The following ADAMTS18 variants were observed in gnomAD, a reference collection of about 807,000 sequenced individuals.
ADAMTS18 encodes ADAM metallopeptidase with thrombospondin type 1 motif 18, also known as A disintegrin and metalloproteinase with thrombospondin motifs 18.
ADAMTS18 carries 157 observed loss-of-function variants against 165.9 expected under a neutral mutation model. The ratio of observed to expected loss-of-function variants is 0.95; its 90% CI spans 0.83 to 1.08. The LOEUF is 1.08. Ranked by LOEUF, ADAMTS18 falls within the 50% of genes least tolerant of loss-of-function variation. The probability of loss-of-function intolerance (pLI) is 0.00; values close to 1 mark genes in which losing one functional copy is unlikely to be tolerated. For synonymous variants in ADAMTS18, 782 were observed against 578.2 expected (o/e 1.35, Z -5.06); for missense variants, 2,040 against 1,534.0 (o/e 1.33, Z -5.51).
Position 77,309,920 on chromosome 16 carries a change from T to C in ADAMTS18, c.2533-9516A>G, listed in dbSNP as rs116476866. 3.4e-3 allele frequency among the ~76,000 whole-genome samples: 525 copies of C among 152,340 alleles called. 6 individuals carry two copies. The highest frequency in any genetic ancestry group is 0.012 in the African/African-American group (496 of 41,580). On this transcript the variant is annotated intron_variant, in intron 16 of 22. Transcript: ENST00000282849. The stretch of plus-strand genomic sequence containing the variant: ...GCAAGTGTTTTAGGAAGCACATTGA[T>C]TCCTCAAATGCATTTTAGGAGATCA...
In ADAMTS18 at chr16:77,294,955, G is replaced by C. The variant is rs1227364919; in HGVS notation, c.2974C>G (p.Pro992Ala). ...QVQACNSHAC[P>A]PQWSLGPWSQ... is the part of the protein sequence containing the mutation. ...CAGGGTCCAAGGCTCCATTGTGGAG[G>C]GCAGGCATGGCTGTTGCAGGCTTGG... The change falls in exon 19 of 23, where the codon CCT becomes GCT. Residue 992 changes from proline to alanine, a missense_variant. Transcript: ENST00000282849. 6.2e-7 allele frequency: 1 copy of C among 1,614,130 alleles called. No individual in the cohort carries two copies. Among genetic ancestry groups the C allele is most frequent in the South Asian group, 1.1e-5 (1 of 91,072 alleles).
At chr16:77,374,806 C>T (rs1025615819) in intron 3 of ADAMTS18, among the ~76,000 whole-genome samples, 4 of 152,128 alleles carry the variant, frequency 2.6e-5, no homozygotes, top group Non-Finnish European at 4.4e-5. Context: ...AACACTTTGT[C>T]TCACATAGCC....
intron 4 of ADAMTS18, among the ~76,000 whole-genome samples, chr16:77,366,841 T>A (rs1044330711): frequency 1.3e-5 from 2 of 152,326 alleles, no homozygotes; most frequent in Non-Finnish European, 2.9e-5. Flanking sequence ...GAGATAATAT[T>A]TTGTACATGT....
chr16:77,332,950 C>G (rs889705041), intron 12 of ADAMTS18, among the ~76,000 whole-genome samples: 2 of 152,190 alleles, frequency 1.3e-5, no homozygotes, highest in Non-Finnish European at 2.9e-5. Context: ...GATCTGTCAA[C>G]ACGTGTTGAT....
chr16:77,390,655 A>G (rs952791683), intron 3 of ADAMTS18, among the ~76,000 whole-genome samples: 1 of 151,582 alleles, frequency 6.6e-6, no homozygotes, highest in East Asian at 1.9e-4. Context: ...GCACCACTGC[A>G]CTTCAGCCTG....
intron 12 of ADAMTS18, among the ~76,000 whole-genome samples, chr16:77,334,632 AGTATATAGTGTATATACACTATATACT>A (rs1170617053): frequency 2.6e-5 from 3 of 113,734 alleles, no homozygotes; most frequent in African/African-American, 3.5e-5. Context: ...TATATACTAT[AGTATATAGTGTATATACACTATATACT>A]GTATATAGTG....
intron 3 of ADAMTS18, among the ~76,000 whole-genome samples, chr16:77,429,482 G>A (rs1051751719): frequency 6.6e-5 from 10 of 152,124 alleles, no homozygotes; most frequent in African/African-American, 2.2e-4. Flanking sequence ...TAACCATTGG[G>A]TACTGGGCTT....
Position 77,353,823 on chromosome 16 carries a change from G to C in ADAMTS18, c.1524C>G (p.Asp508Glu). The change falls in exon 10 of 23, where the codon GAC becomes GAG. Residue 508 changes from aspartate (D) to glutamate (E), a missense_variant. Asp to Glu is a conservative substitution (Grantham distance 45). Transcript: ENST00000282849. ...CATCATAAATCTGTCCTGGTAGTTTGTCCGGATATTTATACTGTCCTGCTT... is the reference window on the plus strand; with the variant it reads ...CATCATAAATCTGTCCTGGTAGTTTCTCCGGATATTTATACTGTCCTGCTT... ...PKQAGQYKYP[D>E]KLPGQIYDAD... 6.2e-7 allele frequency: 1 copy of C among 1,614,126 alleles called. No individual in the cohort carries two copies. The highest frequency in any genetic ancestry group is 8.5e-7 in the Non-Finnish European group (1 of 1,180,018).
At chr16:77,392,091 T>C (rs148177912) in intron 3 of ADAMTS18, among the ~76,000 whole-genome samples, 1 of 152,296 alleles carries the variant, frequency 6.6e-6, no homozygotes, top group Non-Finnish European at 1.5e-5. Context: ...ATGTAATCAA[T>C]TGCTGACCAC....
At position 77,292,996 on chromosome 16, in the gene ADAMTS18, T is replaced by C. The variant is rs1182045630; in HGVS notation, c.3189+80A>G. The C allele has an allele frequency of 2.5e-6, 4 of 1,584,546 alleles. No individual in the cohort carries two copies. The East Asian group carries it at 6.7e-5, about 27-fold the overall frequency. On this transcript the variant is annotated intron_variant, in intron 20 of 22. Transcript: ENST00000282849. The stretch of plus-strand genomic sequence containing the variant: ...CACCTTGCCTGGCTAATTTTTTGTA[T>C]TTTTAGTAGAGACAGGGTTTCACTG...
chr16:77,394,291 G>T (rs573412011), intron 3 of ADAMTS18, among the ~76,000 whole-genome samples: 121 of 152,266 alleles, frequency 7.9e-4, no homozygotes, highest in African/African-American at 2.8e-3. Flanking sequence ...CATAGAACAG[G>T]TAAGAAATAA....
intron 22 of ADAMTS18, among the ~76,000 whole-genome samples, chr16:77,287,613 G>C (rs781311384): frequency 6.6e-6 from 1 of 151,920 alleles, no homozygotes. Context: ...CTAGGCCTAC[G>C]GGCACCTGCC....
intron 3 of ADAMTS18, among the ~76,000 whole-genome samples, chr16:77,399,133 G>A (rs956147280): frequency 6.6e-6 from 1 of 152,144 alleles, no homozygotes; most frequent in South Asian, 2.1e-4. Context: ...CCACCACCAG[G>A]TGTGGGGGAT....
At chr16:77,318,869 G>A (rs1460344572) in intron 16 of ADAMTS18, among the ~76,000 whole-genome samples, 1 of 152,036 alleles carries the variant, frequency 6.6e-6, no homozygotes, top group Non-Finnish European at 1.5e-5. Context: ...AGCTGGATAT[G>A]CAAGTGCTCA....
intron 20 of ADAMTS18, among the ~76,000 whole-genome samples, chr16:77,292,683 G>A (rs557432376): frequency 1.3e-5 from 2 of 152,326 alleles, no homozygotes; most frequent in East Asian, 3.9e-4. Flanking sequence ...CAATGTGGGG[G>A]TGCTTTAGCA....
chr16:77,310,473 T>C (rs2055760047), intron 16 of ADAMTS18, among the ~76,000 whole-genome samples: 1 of 152,214 alleles, frequency 6.6e-6, no homozygotes, highest in Non-Finnish European at 1.5e-5. Flanking sequence ...ACATAGTTTG[T>C]AGCAGAGCAA....
Position 77,329,679 on chromosome 16 carries a change from T to C in ADAMTS18, c.1860-3641A>G, listed in dbSNP as rs2056156116. Among the ~76,000 whole-genome samples the C allele has an allele frequency of 2.6e-5, 4 of 152,230 alleles. 1 individual carries two copies. The highest frequency in any genetic ancestry group is 3.8e-4 in the East Asian group (2 of 5,196). Reference sequence around the variant, plus strand: ...ACATTTCATTTTTAATTATGGGATATGGTCAAAGTGATCAAAAGTAATTGC... The same window carrying C: ...ACATTTCATTTTTAATTATGGGATACGGTCAAAGTGATCAAAAGTAATTGC... On this transcript the variant is annotated intron_variant, in intron 12 of 22. Coordinates refer to ENST00000282849, the MANE Select transcript of ADAMTS18 (RefSeq NM_199355.4).
At chr16:77,433,109 A>C (rs1442854349) in intron 2 of ADAMTS18, among the ~76,000 whole-genome samples, 1 of 152,184 alleles carries the variant, frequency 6.6e-6, no homozygotes, top group African/African-American at 2.4e-5. Context: ...AAAATCTGAT[A>C]CATTGCTTTA....
intron 3 of ADAMTS18, among the ~76,000 whole-genome samples, chr16:77,383,123 C>T (rs566493139): frequency 1.3e-5 from 2 of 152,280 alleles, no homozygotes; most frequent in South Asian, 4.1e-4. Flanking sequence ...TGTTCTCATT[C>T]CAGTCTGGTC....
Sources: gnomAD v4.1 joint callset for allele counts (sites outside exome capture counted in the v4.1 genomes callset) on GRCh38, gnomAD v4.1.1 for gene constraint, MANE v1.5 for transcripts, NCBI Gene and HGNC (gene_info 2026-07-23, HGNC 2026-07-21) for gene names.